The following MYO18B variants were observed in gnomAD, a reference collection of about 807,000 sequenced individuals.
MYO18B encodes the protein unconventional myosin-XVIIIb.
In MYO18B, 204 loss-of-function variants were observed where a neutral mutation model predicts 273.0. The observed-to-expected ratio is 0.75, with a 90% CI of 0.67 to 0.84. MYO18B has a LOEUF of 0.84. MYO18B is among the 40% of genes least tolerant of loss of function. The pLI is 0.00. For missense variants in MYO18B, 3,212 were observed against 3,287.6 expected, an observed-to-expected ratio of 0.98 and a Z score of 0.56; for synonymous variants, 1,330 against 1,305.7, an observed-to-expected ratio of 1.02 and a Z score of -0.40.
At chr22:25,856,247 G>T (rs575837546) in intron 21 of MYO18B, among the ~76,000 whole-genome samples, 25 of 152,304 alleles carry the variant, frequency 1.6e-4, no homozygotes, top group African/African-American at 5.8e-4. Flanking sequence ...ATGGGTGTGA[G>T]ATAGTGTCTC....
At chr22:25,832,657 A>G (rs1291999595) in intron 15 of MYO18B, among the ~76,000 whole-genome samples, 2 of 152,212 alleles carry the variant, frequency 1.3e-5, no homozygotes, top group African/African-American at 4.8e-5. Context: ...TCCGTTTTGA[A>G]AGATGAAGAA....
In MYO18B at chr22:25,856,390, T is replaced by C. The variant is rs548309866; in HGVS notation, c.3885+4811T>C. Among the ~76,000 whole-genome samples, 7 of 152,332 alleles carry C rather than the reference T, an allele frequency of 4.6e-5. No homozygotes were observed. The East Asian group carries it at 1.3e-3, about 29-fold the overall frequency. On this transcript the variant is annotated intron_variant, in intron 21 of 43. Coordinates refer to ENST00000335473, the MANE Select transcript of MYO18B (RefSeq NM_032608.7). ...TGCAGTTCGTTACAGGACATGCCAT[T>C]CATGGATATTAACTTTAAATAATTA...
chr22:25,812,066 A>G (rs1202197064), intron 12 of MYO18B, among the ~76,000 whole-genome samples: 2 of 151,894 alleles, frequency 1.3e-5, no homozygotes, highest in African/African-American at 4.8e-5. Context: ...AGGGTCACAC[A>G]GTCCCAAGTG....
At chr22:25,989,813 C>T (rs1183912545) in intron 39 of MYO18B, among the ~76,000 whole-genome samples, 2 of 151,526 alleles carry the variant, frequency 1.3e-5, no homozygotes, top group Non-Finnish European at 2.9e-5. Flanking sequence ...CAGATGCTCC[C>T]AGAAGCTGCC....
At chr22:26,007,608 A>AT (rs1934539662) in intron 42 of MYO18B, among the ~76,000 whole-genome samples, 1 of 152,236 alleles carries the variant, frequency 6.6e-6, no homozygotes, top group Non-Finnish European at 1.5e-5. Context: ...AGCCCTAAAA[A>AT]TTATGAACCC....
chr22:26,005,614 T>C (rs1365746346), intron 42 of MYO18B, among the ~76,000 whole-genome samples: 1 of 152,194 alleles, frequency 6.6e-6, no homozygotes, highest in African/African-American at 2.4e-5. Flanking sequence ...AATTAGGAGT[T>C]AATGGCCATA....
the MYO18B span, among the ~76,000 whole-genome samples, chr22:26,057,913 T>C: frequency 6.6e-6 from 1 of 152,188 alleles, no homozygotes; most frequent in Admixed American, 6.5e-5. Flanking sequence ...GTAGCAAGCA[T>C]GTCATCACCC....
intron 39 of MYO18B, among the ~76,000 whole-genome samples, chr22:25,989,403 G>A (rs141683614): frequency 6.6e-6 from 1 of 152,192 alleles, no homozygotes; most frequent in African/African-American, 2.4e-5. Flanking sequence ...AGATTTTTCT[G>A]CCTCTGTGTC....
chr22:25,829,768 G>T (rs2089639519), intron 15 of MYO18B, among the ~76,000 whole-genome samples: 1 of 152,042 alleles, frequency 6.6e-6, no homozygotes, highest in African/African-American at 2.4e-5. Context: ...AACCCGGGAG[G>T]TGGAGGTCGT....
intron 34 of MYO18B, among the ~76,000 whole-genome samples, chr22:25,921,851 T>TGC (rs1434917666): frequency 2.4e-4 from 35 of 144,624 alleles, no homozygotes; most frequent in African/African-American, 7.9e-4. Context: ...TGTGTGTGTG[T>TGC]GTGTGGTGAC....
intron 17 of MYO18B, among the ~76,000 whole-genome samples, chr22:25,839,128 TTG>T (rs2090003273): frequency 1.1e-5 from 1 of 90,778 alleles, no homozygotes; most frequent in South Asian, 3.7e-4. Flanking sequence ...GTATGAGTGT[TTG>T]TGTATATGTG....
rs988145346 is a variant in MYO18B at position 25,877,882 on chromosome 22, C to T, written c.4225-77C>T. ...ATTCCTCCTAACGGAAACTTTGTGC[C>T]GTTTGCTCACTCCTAACACAGGTGG... On this transcript the variant is annotated intron_variant, in intron 24 of 43. Transcript: ENST00000335473. 6 of 1,173,902 alleles carry T rather than the reference C, an allele frequency of 5.1e-6. No homozygotes were observed. The African/African-American group carries it at 6.1e-5, about 12-fold the overall frequency. 72.7% of individuals were successfully genotyped at this position (1,173,902 alleles called of 1,614,324 possible). A position where few individuals can be genotyped will look rare whatever the true frequency, so the allele number is the denominator to read the frequency against.
chr22:25,834,969 TA>T (rs1242491264), intron 16 of MYO18B, among the ~76,000 whole-genome samples: 2 of 152,230 alleles, frequency 1.3e-5, no homozygotes, highest in African/African-American at 4.8e-5. Flanking sequence ...TTCCCCTTGT[TA>T]AATCCCCACC....
chr22:25,937,496 C>T (rs1365452403), intron 34 of MYO18B, among the ~76,000 whole-genome samples: 1 of 151,964 alleles, frequency 6.6e-6, no homozygotes, highest in East Asian at 1.9e-4. Context: ...CAAGAGTAGC[C>T]ACCACACTGT....
intron 40 of MYO18B, among the ~76,000 whole-genome samples, chr22:25,997,159 C>T (rs948376359): frequency 1.3e-5 from 2 of 151,772 alleles, no homozygotes; most frequent in Non-Finnish European, 2.9e-5. Context: ...CCTGTCTCTA[C>T]CCAAAATACA....
intron 39 of MYO18B, among the ~76,000 whole-genome samples, chr22:25,967,062 A>G (rs2092987259): frequency 6.6e-6 from 1 of 152,242 alleles, no homozygotes; most frequent in Non-Finnish European, 1.5e-5. Flanking sequence ...AAAGTTGCTA[A>G]TACCAATTAC....
chr22:25,825,164 C>T (rs2089447134), intron 13 of MYO18B, among the ~76,000 whole-genome samples: 2 of 152,134 alleles, frequency 1.3e-5, no homozygotes, highest in Non-Finnish European at 2.9e-5. Context: ...GATGCAGTCA[C>T]CACTTTGTGA....
intron 39 of MYO18B, among the ~76,000 whole-genome samples, chr22:25,966,419 T>G (rs548472497): frequency 1.3e-5 from 2 of 152,330 alleles, no homozygotes; most frequent in South Asian, 2.1e-4. Context: ...GGCTATGAAC[T>G]TGAAAGCGTA....
rs763836112 is a variant in MYO18B, at chr22:25,955,260, C to T, written c.6052C>T (p.Arg2018Trp). Residue 2018 changes from arginine to tryptophan, a missense_variant, in exon 39 of 44, where the codon CGG becomes TGG. Transcript: ENST00000335473. ...SQAATSESQQ[R>W]ESSQYYQRRL... is the part of the protein sequence containing the mutation. ...GGCGGCCACCTCCGAGTCCCAGCAG[C>T]GGGAGAGCAGCCAGTACTACCAGCG... 6 of 1,613,666 alleles carry T rather than the reference C, an allele frequency of 3.7e-6. No individual in the cohort carries two copies. The highest frequency in any genetic ancestry group is 2.7e-5 in the African/African-American group (2 of 74,968).
Sources: allele counts gnomAD v4.1 joint callset (sites outside exome capture counted in the v4.1 genomes callset), GRCh38; gene constraint gnomAD v4.1.1; transcripts MANE v1.5; gene names NCBI Gene and HGNC (gene_info 2026-07-23, HGNC 2026-07-21).